Variants in ANK3 observed in about 807,000 individuals in gnomAD.
The protein encoded by ANK3 is ankyrin 3, also known as ankyrin-3.
A neutral mutation model predicts 370.9 loss-of-function variants in ANK3; 57 were observed. That is an observed-to-expected ratio of 0.15 (90% confidence interval 0.12 to 0.19). The LOEUF is 0.19. Among genes scored for constraint, ANK3 ranks in the 10% least tolerant of loss-of-function variants. The pLI is 1.00. For missense variants in ANK3, 4,439 were observed against 5,302.1 expected (o/e 0.84, Z 5.06); for synonymous variants, 1,929 against 1,946.3 (o/e 0.99, Z 0.23).
chr10:60,411,499 G>A (rs74826284), intron 2 of ANK3, among the ~76,000 whole-genome samples: 2,196 of 152,298 alleles, frequency 0.014, 46 homozygotes, highest in African/African-American at 0.05. Flanking sequence ...GGAGAAGGGA[G>A]CATGTGGCAG....
rs1478745817 is a variant in ANK3, at chr10:60,068,736, C to T, written c.12145G>A (p.Val4049Ile). 13 of 1,614,118 alleles carry T rather than the reference C, an allele frequency of 8.1e-6. No individual in the cohort carries two copies. The highest frequency in any genetic ancestry group is 1.1e-5 in the South Asian group (1 of 91,080). ...SETSRGGQPS[V>I]TTKSARDKKT... is the part of the protein sequence containing the mutation. ...TTATCTCTAGCAGACTTCGTTGTAA[C>T]CGAAGGCTGGCCACCCCGGGAAGTC... Residue 4049 changes from valine (V) to isoleucine (I), a missense_variant, in exon 37 of 44, where the codon GTT (valine) becomes ATT (isoleucine). Val to Ile is a conservative substitution (Grantham distance 29). This residue lies in a region of ANK3 where 496 missense variants were observed against 529.3 expected (regional missense o/e 0.94). Transcript: ENST00000280772.
intron 1 of ANK3, among the ~76,000 whole-genome samples, chr10:60,348,796 C>T (rs1399090987): frequency 6.6e-6 from 1 of 152,146 alleles, no homozygotes; most frequent in Non-Finnish European, 1.5e-5. Context: ...TTATAGTAGT[C>T]TCATCCAGAC....
In ANK3 at chr10:60,198,276, C is replaced by T. The variant is rs535258653; in HGVS notation, c.1689+64G>A. On this transcript the variant is annotated intron_variant, in intron 14 of 43. Coordinates refer to ENST00000280772, the MANE Select transcript of ANK3 (RefSeq NM_020987.5). The stretch of plus-strand genomic sequence containing the variant: ...TGCAGCTTCTGGACCTGTTACTATG[C>T]GGGGAAACGTAAGGAAGATGTATTT... 3.0e-5 allele frequency: 46 copies of T among 1,531,920 alleles called. No individual in the cohort carries two copies. In the Admixed American group the frequency reaches 4.4e-4, roughly 15 times the overall value. 94.9% of individuals were successfully genotyped at this position (1,531,920 alleles called of 1,614,324 possible).
At chr10:60,677,173 A>G (rs1475592030) in intron 1 of ANK3, among the ~76,000 whole-genome samples, 1 of 152,212 alleles carries the variant, frequency 6.6e-6, no homozygotes, top group Non-Finnish European at 1.5e-5. Context: ...CAGAGAAAGT[A>G]CAACAGCAAT....
At position 60,073,587 on chromosome 10, in the gene ANK3, C is replaced by A. The variant is rs2083193690; in HGVS notation, c.7294G>T (p.Asp2432Tyr). The A allele has an allele frequency of 6.2e-7, 1 of 1,613,856 alleles. No homozygotes were observed. Among genetic ancestry groups the A allele is most frequent in the South Asian group, 1.1e-5 (1 of 91,070 alleles). Residue 2432 changes from aspartate (D) to tyrosine (Y), a missense_variant, in exon 37 of 44, where the codon GAT (aspartate) becomes TAT (tyrosine). Physicochemically the swap from Asp to Tyr is radical, Grantham distance 160. This residue lies in a region of ANK3 where 1,601 missense variants were observed against 1,731.7 expected (regional missense o/e 0.92). Transcript: ENST00000280772. ...SRPSSAQLIS[D>Y]DSYKTLKLLS... ...AGCTTCAATGTTTTATAAGAGTCATCAGATATGAGTTGAGCAGAACTAGGG... is the reference window on the plus strand; with the variant it reads ...AGCTTCAATGTTTTATAAGAGTCATAAGATATGAGTTGAGCAGAACTAGGG...
At chr10:60,303,403 T>C (rs1042168435) in intron 1 of ANK3, among the ~76,000 whole-genome samples, 1 of 152,156 alleles carries the variant, frequency 6.6e-6, no homozygotes, top group African/African-American at 2.4e-5. Context: ...GCAAAGAACC[T>C]GAATAGACAT....
At chr10:60,574,783 T>C (rs2077662855) in intron 2 of ANK3, among the ~76,000 whole-genome samples, 1 of 152,196 alleles carries the variant, frequency 6.6e-6, no homozygotes, top group African/African-American at 2.4e-5. Flanking sequence ...GATTCAATTT[T>C]GACTTTCCCA....
intron 1 of ANK3, among the ~76,000 whole-genome samples, chr10:60,647,605 T>TA (rs34081842): frequency 0.28 from 39,855 of 144,648 alleles, 6,249 homozygotes; most frequent in South Asian, 0.5. Context: ...CTAAAAACAG[T>TA]AAAAAAAAAA....
At chr10:60,127,822 CA>C (rs1405481931) in intron 25 of ANK3, among the ~76,000 whole-genome samples, 5 of 151,756 alleles carry the variant, frequency 3.3e-5, no homozygotes, top group Non-Finnish European at 7.4e-5. Flanking sequence ...TTCAGCCTCC[CA>C]AGTAGCTGGG....
intron 14 of ANK3, among the ~76,000 whole-genome samples, chr10:60,196,969 A>G (rs1162463267): frequency 6.6e-6 from 1 of 152,096 alleles, no homozygotes; most frequent in African/African-American, 2.4e-5. Flanking sequence ...TCTGGGGCTT[A>G]TTCTAGGGCT....
intron 2 of ANK3, among the ~76,000 whole-genome samples, chr10:60,487,572 C>G (rs7911959): frequency 0.39 from 58,777 of 151,520 alleles, 11,612 homozygotes; most frequent in Non-Finnish European, 0.41. Flanking sequence ...GGGAGGAATA[C>G]TTGGTAAAAT....
chr10:60,314,617 C>T (rs2047027689), intron 1 of ANK3, among the ~76,000 whole-genome samples: 2 of 152,098 alleles, frequency 1.3e-5, no homozygotes, highest in East Asian at 3.9e-4. Context: ...ACTGTAAAAG[C>T]ATAACTGGGA....
intron 2 of ANK3, among the ~76,000 whole-genome samples, chr10:60,613,726 C>A (rs982058334): frequency 1.3e-5 from 2 of 151,656 alleles, no homozygotes; most frequent in African/African-American, 4.9e-5. Context: ...ATGAAAAAAA[C>A]CAGCATCACT....
rs529630732 is a variant in ANK3, at chr10:60,437,860, C to A, written c.97-158221G>T. Among the ~76,000 whole-genome samples the A allele has an allele frequency of 5.3e-5, 8 of 152,284 alleles. No homozygotes were observed. In the South Asian group the frequency reaches 1.7e-3, roughly 32 times the overall value. On this transcript the variant is annotated intron_variant, in intron 2 of 43. Transcript: ENST00000373827. ...ATGCAGTACCTCACAGAAAGTGAGACTTGATTTGAAGTCTGCCTCCAGAAT... is the reference window on the plus strand; with the variant it reads ...ATGCAGTACCTCACAGAAAGTGAGAATTGATTTGAAGTCTGCCTCCAGAAT...
rs1472187773 is a variant in ANK3 at position 60,269,370 on chromosome 10, G to T, written c.513+761C>A. On this transcript the variant is annotated intron_variant, in intron 5 of 43. Transcript: ENST00000280772. ...AAAAATGTGTAATAGTTTTGGCTGG[G>T]CGTGGTGGCTCACACTTGTAATCCC... 3.3e-5 allele frequency among the ~76,000 whole-genome samples: 5 copies of T among 152,200 alleles called. No individual in the cohort carries two copies. The East Asian group carries it at 9.6e-4, about 29-fold the overall frequency.
intron 26 of ANK3, 115 bp downstream of exon 26, chr10:60,114,110 T>C (rs1162289671): frequency 2.2e-6 from 1 of 459,336 alleles, no homozygotes; most frequent in Non-Finnish European, 3.9e-6. Flanking sequence ...AATATACATT[T>C]CATACATGAA....
intron 1 of ANK3, among the ~76,000 whole-genome samples, chr10:60,705,731 T>C (rs552745118): frequency 1.8e-4 from 27 of 151,986 alleles, no homozygotes; most frequent in Admixed American, 9.8e-4. Flanking sequence ...GGAAAAGCTA[T>C]CACCAGTGCT....
At chr10:60,559,417 T>C (rs2077284147) in intron 2 of ANK3, among the ~76,000 whole-genome samples, 1 of 152,186 alleles carries the variant, frequency 6.6e-6, no homozygotes, top group South Asian at 2.1e-4. Context: ...TCCAATTCCA[T>C]CCAAGTTGCC....
chr10:60,515,578 T>C (rs1172383082), intron 2 of ANK3, among the ~76,000 whole-genome samples: 7 of 152,156 alleles, frequency 4.6e-5, no homozygotes, highest in Non-Finnish European at 1.0e-4. Context: ...TATATGTGCC[T>C]GGGATTTACT....
Sources: gnomAD v4.1 joint callset for allele counts (sites outside exome capture counted in the v4.1 genomes callset) on GRCh38, gnomAD v4.1.1 for gene constraint, gnomAD v4.1.1 regional missense constraint, MANE v1.5 for transcripts, NCBI Gene and HGNC (gene_info 2026-07-23, HGNC 2026-07-21) for gene names.